Variants in FAF2 observed in about 807,000 individuals in gnomAD.
The protein encoded by FAF2 is FAS-associated factor 2.
FAF2 carries 9 observed loss-of-function variants against 62.3 expected under a neutral mutation model. That is an observed-to-expected ratio of 0.14 (90% confidence interval 0.09 to 0.25). The LOEUF (loss-of-function observed/expected upper bound fraction) is 0.25, where lower values mean the gene tolerates loss of function less well. Ranked by LOEUF, FAF2 falls within the 10% of genes least tolerant of loss-of-function variation. FAF2 has a pLI of 1.00. For missense variants in FAF2, 368 were observed against 556.2 expected (o/e 0.66, Z 3.40); for synonymous variants, 202 against 198.0 (o/e 1.02, Z -0.17).
chr5:176,498,859 C>G, intron 8 of FAF2, 55 bp from the exon 9 acceptor site: 1 of 1,445,752 alleles, frequency 6.9e-7, no homozygotes, highest in Non-Finnish European at 9.2e-7. Context: ...TATAAGAAAA[C>G]ACAGAACTTT....
Position 176,458,408 on chromosome 5 carries a change from C to CTTTTTTTTTTTTTTT in FAF2, c.63+9943_63+9957dup, listed in dbSNP as rs751775026. Among the ~76,000 whole-genome samples the CTTTTTTTTTTTTTTT allele has an allele frequency of 1.4e-4, 12 of 86,364 alleles. 1 individual carries two copies. Among genetic ancestry groups the CTTTTTTTTTTTTTTT allele is most frequent in the South Asian group, 4.2e-4 (1 of 2,358 alleles). The allele number at this position is 86,364 out of a possible 152,430, so 56.7% of individuals were successfully genotyped here. On this transcript the variant is annotated intron_variant, in intron 1 of 10. Coordinates refer to ENST00000261942, the MANE Select transcript of FAF2 (RefSeq NM_014613.3). ...CAGAATAATATTTTTCTTTTTCTTCCTTTTTTTTTTTTTTTTTTTGAGACG... is the reference window on the plus strand; with the variant it reads ...CAGAATAATATTTTTCTTTTTCTTCCTTTTTTTTTTTTTTTTTTTTTTTTTTTTTTTTTTGAGACG...
chr5:176,495,995 T>C (rs969001749), intron 7 of FAF2, among the ~76,000 whole-genome samples: 12 of 152,172 alleles, frequency 7.9e-5, no homozygotes, highest in African/African-American at 2.7e-4. Context: ...GTTTGAGCCC[T>C]TGTACAGGGA....
chr5:176,454,391 C>T (rs1455857256), intron 1 of FAF2, among the ~76,000 whole-genome samples: 1 of 150,766 alleles, frequency 6.6e-6, no homozygotes, highest in Non-Finnish European at 1.5e-5. Flanking sequence ...GCGACTCCGT[C>T]TCAAAATAAA....
At chr5:176,471,085 G>A (rs1758559637) in intron 1 of FAF2, among the ~76,000 whole-genome samples, 1 of 152,108 alleles carries the variant, frequency 6.6e-6, no homozygotes, top group East Asian at 1.9e-4. Flanking sequence ...ACCCCCACAT[G>A]TTTAATCTAT....
At chr5:176,502,216 G>C (rs1755604390) in intron 10 of FAF2, among the ~76,000 whole-genome samples, 1 of 152,168 alleles carries the variant, frequency 6.6e-6, no homozygotes, top group Non-Finnish European at 1.5e-5. Flanking sequence ...ATGTTCACTA[G>C]CAATTTTGCT....
At position 176,489,019 on chromosome 5, in the gene FAF2, T is replaced by C. The variant is rs1236808809; in HGVS notation, c.336T>C (p.Asp112=). The stretch of plus-strand genomic sequence containing the variant: ...GGTTTACCTATTACACGATACTTGA[T>C]ATATTTAGGTATGTACCTTTGGATT... ...PFRFTYYTIL[D]IFRFALRFIR... The change falls in exon 4 of 11, where the codon GAT becomes GAC. Residue 112 remains aspartate, a synonymous_variant. Transcript: ENST00000261942. 6.2e-7 allele frequency: 1 copy of C among 1,611,326 alleles called. No individual in the cohort carries two copies. Among genetic ancestry groups the C allele is most frequent in the African/African-American group, 1.3e-5 (1 of 74,860 alleles).
intron 1 of FAF2, among the ~76,000 whole-genome samples, chr5:176,449,926 A>G (rs1012990777): frequency 2.0e-5 from 3 of 152,198 alleles, no homozygotes; most frequent in African/African-American, 7.2e-5. Flanking sequence ...GAAGGGTATC[A>G]GGACTAAGAA....
chr5:176,451,837 TATATAC>T (rs1191839306), intron 1 of FAF2, among the ~76,000 whole-genome samples: 2 of 46,496 alleles, frequency 4.3e-5, no homozygotes, highest in African/African-American at 1.1e-4. Flanking sequence ...TACATATATA[TATATAC>T]ACACATATAT....
chr5:176,452,368 A>G (rs1201145964), intron 1 of FAF2, among the ~76,000 whole-genome samples: 1 of 152,120 alleles, frequency 6.6e-6, no homozygotes, highest in African/African-American at 2.4e-5. Context: ...AGCAGGTAAC[A>G]TTTATTAAGT....
At position 176,494,855 on chromosome 5, in the gene FAF2, C is replaced by T. The variant is rs1013419821; in HGVS notation, c.661+580C>T. Among the ~76,000 whole-genome samples the T allele has an allele frequency of 3.9e-5, 6 of 152,140 alleles. No individual in the cohort carries two copies. Among genetic ancestry groups the T allele is most frequent in the African/African-American group, 1.4e-4 (6 of 41,424 alleles). On this transcript the variant is annotated intron_variant, in intron 7 of 10. Coordinates refer to ENST00000261942, the MANE Select transcript of FAF2 (RefSeq NM_014613.3). The surrounding 1 kb of genome is among the most constrained non-coding windows in gnomAD (Gnocchi z 4.0). ...AGCCACTGTGCCCCGCCATAATTAG[C>T]AAGTTGTAGCGTACAGTCGGGTCTG...
chr5:176,501,275 GAGTC>G (rs1380488333), intron 10 of FAF2, among the ~76,000 whole-genome samples: 1 of 152,200 alleles, frequency 6.6e-6, no homozygotes, highest in Non-Finnish European at 1.5e-5. Flanking sequence ...TTTAAACTGA[GAGTC>G]AGTATGTTGC....
At position 176,451,892 on chromosome 5, in the gene FAF2, ATTTTTTTT is replaced by A. The variant is rs1174600881; in HGVS notation, c.63+3444_63+3451del. The stretch of plus-strand genomic sequence containing the variant: ...TATACACACATATATATATATATAT[ATTTTTTTT>A]TTTTTTTTTTTTTTTTTTTTTGAGA... On this transcript the variant is annotated intron_variant, in intron 1 of 10. Coordinates refer to ENST00000261942, the MANE Select transcript of FAF2 (RefSeq NM_014613.3). Among the ~76,000 whole-genome samples the A allele has an allele frequency of 2.4e-3, 52 of 21,634 alleles. 2 individuals carry two copies. The highest frequency in any genetic ancestry group is 7.6e-3 in the African/African-American group (36 of 4,744). 14.2% of individuals were successfully genotyped at this position (21,634 alleles called of 152,430 possible).
intron 4 of FAF2, among the ~76,000 whole-genome samples, chr5:176,489,292 T>TCCCCC (rs3842082): frequency 2.8e-5 from 4 of 140,984 alleles, no homozygotes; most frequent in South Asian, 2.3e-4. Context: ...TGTCTCCCCC[T>TCCCCC]CCCCCCCCCA....
intron 2 of FAF2, among the ~76,000 whole-genome samples, chr5:176,485,059 A>G (rs766752122): frequency 9.2e-5 from 14 of 152,262 alleles, no homozygotes; most frequent in Non-Finnish European, 2.1e-4. Flanking sequence ...GCCACAGTGC[A>G]TGATAAGTGC....
At chr5:176,472,147 T>G (rs566457444) in intron 1 of FAF2, among the ~76,000 whole-genome samples, 1 of 152,202 alleles carries the variant, frequency 6.6e-6, no homozygotes, top group African/African-American at 2.4e-5. Flanking sequence ...TTTTATTTTT[T>G]TGAAACAGAG....
chr5:176,488,150 G>A (rs1049151866), intron 3 of FAF2, among the ~76,000 whole-genome samples: 29 of 152,084 alleles, frequency 1.9e-4, no homozygotes, highest in African/African-American at 7.0e-4. Context: ...GCTAATTTTT[G>A]TATTTTTAGT....
chr5:176,505,548 T>G (rs1295820373), intron 10 of FAF2, among the ~76,000 whole-genome samples: 1 of 152,148 alleles, frequency 6.6e-6, no homozygotes, highest in African/African-American at 2.4e-5. Flanking sequence ...TTTGTGAGAT[T>G]TTGGTGCACC....
At chr5:176,455,981 T>C (rs887324130) in intron 1 of FAF2, among the ~76,000 whole-genome samples, 1 of 152,230 alleles carries the variant, frequency 6.6e-6, no homozygotes, top group South Asian at 2.1e-4. Flanking sequence ...CTCATTCTCA[T>C]TGGGTAAGAG....
chr5:176,500,279 G>T, intron 10 of FAF2, 133 bp downstream of exon 10: 1 of 832,454 alleles, frequency 1.2e-6, no homozygotes, highest in African/African-American at 1.7e-5. Flanking sequence ...GAGAGAGAGA[G>T]ATGGGTATGC....
Sources: allele counts gnomAD v4.1 joint callset (sites outside exome capture counted in the v4.1 genomes callset), GRCh38; gene constraint gnomAD v4.1.1; non-coding constraint Gnocchi (gnomAD v3.1); transcripts MANE v1.5; gene names NCBI Gene and HGNC (gene_info 2026-07-23, HGNC 2026-07-21).